ACAP1: variants seen among roughly 807,000 people sequenced by gnomAD.
ACAP1 encodes arf-GAP with coiled-coil, ANK repeat and PH domain-containing protein 1.
ACAP1 carries 45 observed loss-of-function variants against 98.8 expected under a neutral mutation model. The observed-to-expected ratio is 0.46, with a 90% CI of 0.36 to 0.58. The LOEUF (loss-of-function observed/expected upper bound fraction) is 0.58, where lower values mean the gene tolerates loss of function less well. Among genes scored for constraint, ACAP1 ranks in the 20% least tolerant of loss-of-function variants. ACAP1 has a pLI of 0.00. For missense variants in ACAP1, 735 were observed against 971.4 expected, an observed-to-expected ratio of 0.76 and a Z score of 3.24; for synonymous variants, 362 against 375.3, an observed-to-expected ratio of 0.96 and a Z score of 0.41.
chr17:7,348,981 A>C lies in ACAP1; in HGVS notation c.1679-14A>C. On this transcript the variant is annotated splice_polypyrimidine_tract_variant and intron_variant, in intron 17 of 21. Coordinates refer to ENST00000158762, the MANE Select transcript of ACAP1 (RefSeq NM_014716.4). ...GAGCTGCTTCCCCCTAACAGAACCA[A>C]ATCCCCCGAACAGAGCCCCCCTCTG... is the stretch of plus-strand genomic sequence containing the variant. The C allele has an allele frequency of 6.2e-7, 1 of 1,610,580 alleles. No homozygotes were observed. The highest frequency in any genetic ancestry group is 8.5e-7 in the Non-Finnish European group (1 of 1,178,846).
Position 7,348,226 on chromosome 17 carries a change from G to A in ACAP1, c.1508+5G>A. 1 of 1,613,290 alleles carries A rather than the reference G, an allele frequency of 6.2e-7. No individual in the cohort carries two copies. Among genetic ancestry groups the A allele is most frequent in the South Asian group, 1.1e-5 (1 of 90,922 alleles). On this transcript the variant is annotated splice_donor_5th_base_variant and intron_variant, in intron 16 of 21. Coordinates refer to ENST00000158762, the MANE Select transcript of ACAP1 (RefSeq NM_014716.4). ...ACCAGGGCCCAGCTGCTCCCGGTGA[G>A]CTTGGGGTTTAGCCTCCCAGGGGAA...
chr17:7,347,390 C>A (rs1346255551), intron 14 of ACAP1, 148 bp downstream of exon 14: 3 of 839,460 alleles, frequency 3.6e-6, no homozygotes, highest in African/African-American at 3.5e-5. Flanking sequence ...CAGGCCTGGG[C>A]CCAAGCCTCT....
chr17:7,346,823 G>A lies in ACAP1; in HGVS notation c.1023G>A (p.Gln341=). ...VVSTSKSCLL[Q]ADSERLLQLW... ...TCCTACCTAGGTCCTGCCTCCTCCA[G>A]GCTGACTCAGAGCGCCTCCTGCAGC... Residue 341 remains glutamine, a synonymous_variant, in exon 13 of 22, where the codon CAG becomes CAA. Transcript: ENST00000158762. 1 of 1,612,898 alleles carries A rather than the reference G, an allele frequency of 6.2e-7. No individual in the cohort carries two copies. The highest frequency in any genetic ancestry group is 8.5e-7 in the Non-Finnish European group (1 of 1,179,118).
Position 7,350,887 on chromosome 17 carries a change from G to A in ACAP1, c.2073-63G>A. 1.3e-6 allele frequency: 2 copies of A among 1,557,490 alleles called. No homozygotes were observed. The highest frequency in any genetic ancestry group is 8.9e-7 in the Non-Finnish European group (1 of 1,129,322). On this transcript the variant is annotated intron_variant, in intron 20 of 21. Transcript: ENST00000158762. This position sits in a 1 kb window ranked among gnomAD's most constrained non-coding sequence, Gnocchi z 4.6. ...GGCCTCCCAAAGTGTTGGGATTACA[G>A]GCGTGAGCCACCGCGCCCGGCCAAA...
chr17:7,347,711 G>C, intron 14 of ACAP1: 1 of 596,730 alleles, frequency 1.7e-6, no homozygotes, highest in Non-Finnish European at 3.0e-6. Flanking sequence ...GAAACCTAAG[G>C]AAGAAGGAAT....
At chr17:7,342,584 G>A in intron 5 of ACAP1, 110 bp downstream of exon 5, 1 of 1,214,274 alleles carries the variant, frequency 8.2e-7, no homozygotes, top group Admixed American at 2.0e-5. Context: ...TAGCCAACAT[G>A]GCGAAACTGT....
rs1391934065 is a variant in ACAP1, at chr17:7,344,584, G to C, written c.790G>C (p.Gly264Arg). 7 of 1,551,522 alleles carry C rather than the reference G, an allele frequency of 4.5e-6. No homozygotes were observed. Among genetic ancestry groups the C allele is most frequent in the Non-Finnish European group, 5.2e-6 (6 of 1,146,962 alleles). The change falls in exon 10 of 22, where the codon GGT (glycine) becomes CGT (arginine). Residue 264 changes from glycine to arginine, a missense_variant. Gly to Arg is a moderately radical substitution (Grantham distance 125). Around this residue, in one of 5 missense-constraint regions of ACAP1, gnomAD observed 430 missense variants for 531.8 expected, o/e 0.81. Transcript: ENST00000158762. The surrounding 1 kb of genome is among the most constrained non-coding windows in gnomAD (Gnocchi z 4.9). ...AGAACCAAGCTTAAGAGAGGGGCCT[G>C]GTGGCCTGGTGATGGAAGGACATCT... ...EPEPSLREGP[G>R]GLVMEGHLFK... is the part of the protein sequence containing the mutation.
rs1482179208 is a variant in ACAP1 at position 7,344,007 on chromosome 17, C to A, written c.670-42C>A. ...GTAGAGGGAGGTTAGGGACTCCTAA[C>A]TGGGGGGCCTTGGACATCTGAGATG... On this transcript the variant is annotated intron_variant, in intron 8 of 21. Coordinates refer to ENST00000158762, the MANE Select transcript of ACAP1 (RefSeq NM_014716.4). This position sits in a 1 kb window ranked among gnomAD's most constrained non-coding sequence, Gnocchi z 4.9. 1.3e-5 allele frequency: 20 copies of A among 1,576,186 alleles called. No individual in the cohort carries two copies. Among genetic ancestry groups the A allele is most frequent in the Admixed American group, 1.1e-4 (6 of 53,666 alleles).
In ACAP1 at chr17:7,350,052, G is replaced by C; in HGVS notation, c.1959G>C (p.Thr653=). 2 of 1,612,254 alleles carry C rather than the reference G, an allele frequency of 1.2e-6. No homozygotes were observed. The highest frequency in any genetic ancestry group is 1.7e-6 in the Non-Finnish European group (2 of 1,178,508). ...PLHHATILGH[T]GLACLFLKRG... Reference sequence around the variant, plus strand: ...ACCACGCAACCATTCTTGGCCACACGGGGTAGGGATGATGGCATGGGGAGG... The same window carrying C: ...ACCACGCAACCATTCTTGGCCACACCGGGTAGGGATGATGGCATGGGGAGG... The change falls in exon 19 of 22, where the codon ACG becomes ACC. Residue 653 remains threonine (T), a splice_region_variant and synonymous_variant. Transcript: ENST00000158762. This position sits in a 1 kb window ranked among gnomAD's most constrained non-coding sequence, Gnocchi z 4.6.
rs912441033 is a variant in ACAP1 at position 7,346,943 on chromosome 17, T to C, written c.1131+12T>C. ...GGGGTCCAGGCCAGGTACCTTAACC[T>C]GGGGGTGCGGAGCCAGGCTGCCTGT... On this transcript the variant is annotated intron_variant, in intron 13 of 21. Transcript: ENST00000158762. 2 of 1,606,118 alleles carry C rather than the reference T, an allele frequency of 1.2e-6. No individual in the cohort carries two copies. Among genetic ancestry groups the C allele is most frequent in the East Asian group, 2.2e-5 (1 of 44,700 alleles).
Position 7,343,845 on chromosome 17 carries a change from C to T in ACAP1, c.574-16C>T. Reference sequence around the variant, plus strand: ...GGTTCTTCCTCAGCCTTCCCACTGCCCGCCTTGTCCCCCAGGTGCTGCGTT... The same window carrying T: ...GGTTCTTCCTCAGCCTTCCCACTGCTCGCCTTGTCCCCCAGGTGCTGCGTT... On this transcript the variant is annotated splice_polypyrimidine_tract_variant and intron_variant, in intron 7 of 21. Transcript: ENST00000158762. This position sits in a 1 kb window ranked among gnomAD's most constrained non-coding sequence, Gnocchi z 4.9. The T allele has an allele frequency of 6.2e-7, 1 of 1,614,020 alleles. No individual in the cohort carries two copies. Among genetic ancestry groups the T allele is most frequent in the Non-Finnish European group, 8.5e-7 (1 of 1,179,950 alleles).
chr17:7,346,803 C>T lies in ACAP1; in HGVS notation c.1008-5C>T, dbSNP rs770113964. 1.2e-5 allele frequency: 20 copies of T among 1,611,378 alleles called. No individual in the cohort carries two copies. Among genetic ancestry groups the T allele is most frequent in the African/African-American group, 5.3e-5 (4 of 74,874 alleles). ...CTCTGCCATCTCCCTCACCCTCCTA[C>T]CTAGGTCCTGCCTCCTCCAGGCTGA... On this transcript the variant is annotated splice_region_variant and splice_polypyrimidine_tract_variant and intron_variant, in intron 12 of 21. Coordinates refer to ENST00000158762, the MANE Select transcript of ACAP1 (RefSeq NM_014716.4).
At chr17:7,341,254 A>AG (rs144720187) in intron 2 of ACAP1, among the ~76,000 whole-genome samples, 1,625 of 152,320 alleles carry the variant, frequency 0.011, 33 homozygotes, top group African/African-American at 0.037. Flanking sequence ...GGATTCAGGC[A>AG]GTCCTCCTGC....
chr17:7,350,048 A>C lies in ACAP1; in HGVS notation c.1955A>C (p.His652Pro). 1 of 1,613,192 alleles carries C rather than the reference A, an allele frequency of 6.2e-7. No individual in the cohort carries two copies. Among genetic ancestry groups the C allele is most frequent in the South Asian group, 1.1e-5 (1 of 91,054 alleles). The change falls in exon 19 of 22, where the codon CAC becomes CCC. Residue 652 changes from histidine to proline, a missense_variant. His to Pro is a moderately conservative substitution (Grantham distance 77). Transcript: ENST00000158762. The surrounding 1 kb of genome is among the most constrained non-coding windows in gnomAD (Gnocchi z 4.6). ...GPLHHATILG[H>P]TGLACLFLKR... ...CTGCACCACGCAACCATTCTTGGCC[A>C]CACGGGGTAGGGATGATGGCATGGG...
At position 7,344,054 on chromosome 17, in the gene ACAP1, C is replaced by T. The variant is rs1385375794; in HGVS notation, c.675C>T (p.His225=). The T allele has an allele frequency of 6.3e-7, 1 of 1,591,770 alleles. No homozygotes were observed. The highest frequency in any genetic ancestry group is 8.6e-7 in the Non-Finnish European group (1 of 1,168,608). The change falls in exon 9 of 22, where the codon CAC becomes CAT. Residue 225 remains histidine (H), a synonymous_variant. Transcript: ENST00000158762. This position sits in a 1 kb window ranked among gnomAD's most constrained non-coding sequence, Gnocchi z 4.9. ...QYRKELGAQL[H]QLVLNSAREK... ...GATGCCCTTCCTGTGCCCAGTTGCACCAGCTGGTCTTGAATTCAGCACGAG... is the reference window on the plus strand; with the variant it reads ...GATGCCCTTCCTGTGCCCAGTTGCATCAGCTGGTCTTGAATTCAGCACGAG...
rs757082855 is a variant in ACAP1 at position 7,337,351 on chromosome 17, G to T, written c.93G>T (p.Leu31Phe). 5.0e-6 allele frequency: 8 copies of T among 1,614,158 alleles called. No homozygotes were observed. The highest frequency in any genetic ancestry group is 6.8e-6 in the Non-Finnish European group (8 of 1,180,016). The change falls in exon 2 of 22, where the codon TTG becomes TTT. Residue 31 changes from leucine (L) to phenylalanine (F), a missense_variant. Leu to Phe is a conservative substitution (Grantham distance 22). This residue lies in a region of ACAP1 where 430 missense variants were observed against 531.8 expected (regional missense o/e 0.81). Coordinates refer to ENST00000158762, the MANE Select transcript of ACAP1 (RefSeq NM_014716.4). ...IELVEAEVSE[L>F]ETRLEKLLKL... ...TGGTGGAAGCCGAAGTGTCAGAATT[G>T]GAGACCCGTCTGGAAAAGGTGACCC...
chr17:7,347,561 G>A (rs1057178093), intron 14 of ACAP1: 4 of 515,286 alleles, frequency 7.8e-6, no homozygotes, highest in Non-Finnish European at 1.0e-5. Context: ...ACGGTCATGA[G>A]GCCTTAGCAA....
intron 18 of ACAP1, 35 bp from the exon 19 acceptor site, chr17:7,349,910 C>T: frequency 6.6e-7 from 1 of 1,525,130 alleles, no homozygotes; most frequent in Non-Finnish European, 9.0e-7. Context: ...CTAGGGATGC[C>T]ACCCTCAACC....
chr17:7,348,256 G>A (rs888227051), intron 16 of ACAP1, 35 bp downstream of exon 16: 2 of 1,610,620 alleles, frequency 1.2e-6, no homozygotes, highest in African/African-American at 1.3e-5. Flanking sequence ...GGGGAATGGG[G>A]GACCCCTGGA....
Sources: gnomAD v4.1 joint callset for allele counts (sites outside exome capture counted in the v4.1 genomes callset) on GRCh38, gnomAD v4.1.1 for gene constraint, gnomAD v4.1.1 regional missense constraint, Gnocchi (gnomAD v3.1) non-coding constraint, MANE v1.5 for transcripts, NCBI Gene and HGNC (gene_info 2026-07-23, HGNC 2026-07-21) for gene names.